The following B3GALNT2 variants were observed in gnomAD, a reference collection of about 807,000 sequenced individuals.
B3GALNT2 encodes the protein beta-1,3-N-acetylgalactosaminyltransferase 2.
A neutral mutation model predicts 61.1 loss-of-function variants in B3GALNT2; 53 were observed. The ratio of observed to expected loss-of-function variants is 0.87; its 90% CI spans 0.70 to 1.09. The LOEUF (loss-of-function observed/expected upper bound fraction) is 1.09. Ranked by LOEUF, B3GALNT2 falls within the 50% of genes least tolerant of loss-of-function variation. B3GALNT2 has a pLI of 0.00. For synonymous variants in B3GALNT2, 223 were observed against 237.4 expected (o/e 0.94, Z 0.56); for missense variants, 544 against 623.0 (o/e 0.87, Z 1.35).
intron 5 of B3GALNT2, among the ~76,000 whole-genome samples, chr1:235,471,699 G>C (rs937569210): frequency 3.3e-5 from 5 of 152,142 alleles, no homozygotes; most frequent in African/African-American, 7.2e-5. Flanking sequence ...GCCTCGCTCT[G>C]CCACCCAGGC....
intron 7 of B3GALNT2, among the ~76,000 whole-genome samples, chr1:235,461,515 T>TG (rs1245888118): frequency 7.5e-6 from 1 of 132,770 alleles, no homozygotes; most frequent in Non-Finnish European, 1.6e-5. Flanking sequence ...CTGTTTTTTT[T>TG]TTTTTTTTTT....
Position 235,448,437 on chromosome 1 carries a change from C to T in B3GALNT2, c.*1769G>A. On this transcript the variant is annotated 3_prime_UTR_variant, in exon 12 of 12. Coordinates refer to ENST00000366600, the MANE Select transcript of B3GALNT2 (RefSeq NM_152490.5). ...ACCTTCTGTTGTCCTATGAAAGTCC[C>T]AAAGTAAGTTGCCCAGCAAAATACA... 1.2e-6 allele frequency: 2 copies of T among 1,613,902 alleles called. No homozygotes were observed. Among genetic ancestry groups the T allele is most frequent in the Non-Finnish European group, 1.7e-6 (2 of 1,179,876 alleles).
chr1:235,479,453 T>A (rs1440343744), intron 5 of B3GALNT2: 1 of 152,460 alleles, frequency 6.6e-6, no homozygotes, highest in East Asian at 1.9e-4. Context: ...TCTGTCACAC[T>A]CTGCGACCAT....
intron 11 of B3GALNT2, 45 bp downstream of exon 11, chr1:235,453,045 C>T (rs780609468): frequency 1.3e-6 from 2 of 1,509,306 alleles, no homozygotes; most frequent in South Asian, 2.3e-5. Context: ...TAGAAATCCA[C>T]CTCCTCAACT....
At position 235,458,648 on chromosome 1, in the gene B3GALNT2, T is replaced by C. The variant is rs763685871; in HGVS notation, c.980A>G (p.Asp327Gly). ...TTTTGCAGGAACATTACGATAAGTG[T>C]CGACAACATCCACAAAAACAATATC... is the stretch of plus-strand genomic sequence containing the variant. ...YDDIVFVDVVDTYRNVPAKLL... is the reference protein window; with the variant it reads ...YDDIVFVDVVGTYRNVPAKLL... Residue 327 changes from aspartate to glycine, a missense_variant, in exon 8 of 12, where the codon GAC becomes GGC. Coordinates refer to ENST00000366600, the MANE Select transcript of B3GALNT2 (RefSeq NM_152490.5). 3 of 1,612,420 alleles carry C rather than the reference T, an allele frequency of 1.9e-6. No homozygotes were observed. The highest frequency in any genetic ancestry group is 2.5e-6 in the Non-Finnish European group (3 of 1,179,552).
Position 235,504,413 on chromosome 1 carries a change from C to T in B3GALNT2, c.-161G>A, listed in dbSNP as rs1428825795. On this transcript the variant is annotated 5_prime_UTR_variant, in exon 1 of 12. Coordinates refer to ENST00000366600, the MANE Select transcript of B3GALNT2 (RefSeq NM_152490.5). ...GGGGGGCTCCTCGCAGCTCCCGGCC[C>T]CGCTCCTCCGGTCCCTCAGACCGCG... 7 of 738,332 alleles carry T rather than the reference C, an allele frequency of 9.5e-6. No homozygotes were observed. The highest frequency in any genetic ancestry group is 1.2e-5 in the Non-Finnish European group (6 of 511,898). 45.7% of individuals were successfully genotyped at this position (738,332 alleles called of 1,614,324 possible).
Position 235,447,466 on chromosome 1 carries a change from C to A in B3GALNT2, c.*2740G>T, listed in dbSNP as rs371610478. On this transcript the variant is annotated 3_prime_UTR_variant, in exon 12 of 12. Transcript: ENST00000366600. ...TTCTGAACAAACCAAAGCATTTACT[C>A]GGAAGTTACATTCCCATGCCTGGCA... Among the ~76,000 whole-genome samples the A allele has an allele frequency of 1.3e-5, 2 of 152,256 alleles. No individual in the cohort carries two copies. The highest frequency in any genetic ancestry group is 4.2e-4 in the South Asian group (2 of 4,806).
chr1:235,499,377 G>A (rs191126721), intron 1 of B3GALNT2, among the ~76,000 whole-genome samples: 1 of 152,106 alleles, frequency 6.6e-6, no homozygotes, highest in East Asian at 1.9e-4. Flanking sequence ...TGATTAGTTG[G>A]GTGTGTTCAA....
At chr1:235,451,994 CTCAA>C (rs1194644935) in intron 11 of B3GALNT2, 4 of 149,076 alleles carry the variant, frequency 2.7e-5, no homozygotes, top group African/African-American at 1.0e-4. Flanking sequence ...GACTGCCACA[CTCAA>C]TCAGTGGATT....
Position 235,448,220 on chromosome 1 carries a change from C to CAAAAA in B3GALNT2, c.*1981_*1985dup, listed in dbSNP as rs59405398. The CAAAAA allele has an allele frequency of 4.5e-4, 239 of 530,564 alleles. No individual in the cohort carries two copies. The highest frequency in any genetic ancestry group is 1.2e-3 in the African/African-American group (39 of 32,058). 32.9% of individuals were successfully genotyped at this position (530,564 alleles called of 1,614,324 possible). On this transcript the variant is annotated 3_prime_UTR_variant, in exon 12 of 12. Coordinates refer to ENST00000366600, the MANE Select transcript of B3GALNT2 (RefSeq NM_152490.5). ...CTTAAGTAAGTAAGTAAGTCAGTCT[C>CAAAAA]AAAAAAAAAAAAAAAAAAAAGACAG...
chr1:235,485,378 A>C (rs1684756682), intron 3 of B3GALNT2, among the ~76,000 whole-genome samples: 1 of 152,226 alleles, frequency 6.6e-6, no homozygotes, highest in African/African-American at 2.4e-5. Flanking sequence ...CAGTGGCATG[A>C]ACATGGCTTA....
chr1:235,494,731 T>C lies in B3GALNT2; in HGVS notation c.210A>G (p.Ile70Met). ...ARNNHELRNV[I>M]RSTWMRHLLQ... ...GCAAATGTCTCATCCAGGTGCTTCT[T>C]ATCACGTTTCGAAGTTCATGGTTAT... Residue 70 changes from isoleucine to methionine, a missense_variant, in exon 2 of 12, where the codon ATA becomes ATG. Physicochemically the swap from Ile to Met is conservative, Grantham distance 10. Transcript: ENST00000366600. The C allele has an allele frequency of 6.2e-7, 1 of 1,613,294 alleles. No individual in the cohort carries two copies. The highest frequency in any genetic ancestry group is 8.5e-7 in the Non-Finnish European group (1 of 1,179,288).
chr1:235,453,842 TA>T (rs1176069546), intron 10 of B3GALNT2, among the ~76,000 whole-genome samples: 11 of 152,166 alleles, frequency 7.2e-5, no homozygotes, highest in Admixed American at 7.2e-4. Context: ...TTGAGGGATG[TA>T]GGGGTGCATC....
chr1:235,503,934 A>G (rs1425031672), intron 1 of B3GALNT2, among the ~76,000 whole-genome samples: 7 of 152,224 alleles, frequency 4.6e-5, no homozygotes, highest in Non-Finnish European at 8.8e-5. Flanking sequence ...GGAAGTGAGA[A>G]GAGGCGGGGA....
At position 235,457,915 on chromosome 1, in the gene B3GALNT2, C is replaced by CT. The variant is rs1490734698; in HGVS notation, c.1025+687dup. Among the ~76,000 whole-genome samples, 567 of 120,114 alleles carry CT rather than the reference C, an allele frequency of 4.7e-3. 4 individuals are homozygous for CT. Among genetic ancestry groups the CT allele is most frequent in the African/African-American group, 0.016 (519 of 32,566 alleles). The allele number at this position is 120,114 out of a possible 152,430, so 78.8% of individuals were successfully genotyped here. A position where few individuals can be genotyped will look rare whatever the true frequency, so the allele number is the denominator to read the frequency against. On this transcript the variant is annotated intron_variant, in intron 8 of 11. Transcript: ENST00000366600. ...ATGAATCAACTTTTTTTTTTTTTTT[C>CT]TTTTTTTTTGAGACGGAGTCTCACT...
intron 9 of B3GALNT2, among the ~76,000 whole-genome samples, chr1:235,454,623 A>T (rs920494316): frequency 1.3e-5 from 2 of 151,994 alleles, no homozygotes; most frequent in Admixed American, 6.6e-5. Context: ...TATTTTTAGT[A>T]GAGACAGGGT....
intron 7 of B3GALNT2, 59 bp downstream of exon 7, chr1:235,465,577 T>C: frequency 6.3e-7 from 1 of 1,575,274 alleles, no homozygotes; most frequent in Non-Finnish European, 8.6e-7. Context: ...TTCTCTCAAG[T>C]ATAAAGATTA....
intron 5 of B3GALNT2, among the ~76,000 whole-genome samples, chr1:235,472,891 T>G (rs1261076584): frequency 6.6e-6 from 1 of 152,128 alleles, no homozygotes; most frequent in Non-Finnish European, 1.5e-5. Flanking sequence ...CACAGAGTGA[T>G]ATAAACTTTT....
intron 6 of B3GALNT2, among the ~76,000 whole-genome samples, chr1:235,467,483 C>CTTT (rs373792377): frequency 8.6e-6 from 1 of 116,638 alleles, no homozygotes; most frequent in Non-Finnish European, 1.7e-5. Context: ...TACTTATTTA[C>CTTT]TTTTTTTTTT....
Sources: allele counts gnomAD v4.1 joint callset (sites outside exome capture counted in the v4.1 genomes callset), GRCh38; gene constraint gnomAD v4.1.1; transcripts MANE v1.5; gene names NCBI Gene and HGNC (gene_info 2026-07-23, HGNC 2026-07-21).